NOL4L: variants seen among roughly 807,000 people sequenced by gnomAD.
NOL4L encodes the protein nucleolar protein 4-like.
In NOL4L, 7 loss-of-function variants were observed where a neutral mutation model predicts 64.5. That is an observed-to-expected ratio of 0.11 (90% CI 0.06 to 0.20). NOL4L has a LOEUF of 0.20. NOL4L is among the 10% of genes least tolerant of loss of function. NOL4L has a pLI of 1.00. For missense variants in NOL4L, 680 were observed against 967.1 expected, an observed-to-expected ratio of 0.70 and a Z score of 3.94; for synonymous variants, 413 against 401.0, an observed-to-expected ratio of 1.03 and a Z score of -0.36.
chr20:32,515,021 C>T (rs1299795257), intron 3 of NOL4L, among the ~76,000 whole-genome samples: 1 of 152,134 alleles, frequency 6.6e-6, no homozygotes, highest in Admixed American at 6.5e-5. Context: ...CTGATGGTCG[C>T]CCCTGTCCTG....
In NOL4L at chr20:32,453,695, G is replaced by A. The variant is rs1427049807; in HGVS notation, c.1186C>T (p.Leu396=). Residue 396 remains leucine, a synonymous_variant, in exon 7 of 11, where the codon CTG becomes TTG. Coordinates refer to ENST00000621426, the MANE Select transcript of NOL4L (RefSeq NM_001256798.2). The surrounding 1 kb of genome is among the most constrained non-coding windows in gnomAD (Gnocchi z 5.6). ...KTEVSGCPED[L]TVGRAPTADD... is the part of the protein sequence containing the mutation. ...GCCGTCGGGGCCCGGCCCACTGTCA[G>A]GTCCTCAGGGCAGCCGCTGACCTCG... 3 of 1,564,606 alleles carry A rather than the reference G, an allele frequency of 1.9e-6. No homozygotes were observed. Among genetic ancestry groups the A allele is most frequent in the Admixed American group, 1.9e-5 (1 of 51,954 alleles).
At chr20:32,467,862 G>C (rs988499256) in intron 5 of NOL4L, among the ~76,000 whole-genome samples, 2 of 152,222 alleles carry the variant, frequency 1.3e-5, no homozygotes, top group Non-Finnish European at 2.9e-5. Flanking sequence ...GGCACACAGG[G>C]GAGGGGGCCG....
intron 4 of NOL4L, among the ~76,000 whole-genome samples, chr20:32,480,468 C>A (rs991734294): frequency 4.6e-5 from 7 of 152,178 alleles, no homozygotes; most frequent in African/African-American, 1.7e-4. Flanking sequence ...GGGAAGAACA[C>A]CAGCCTCAGG....
chr20:32,523,311 G>A (rs988123465), intron 2 of NOL4L, among the ~76,000 whole-genome samples: 4 of 152,206 alleles, frequency 2.6e-5, no homozygotes, highest in Non-Finnish European at 2.9e-5. Flanking sequence ...CTGCAAGCCT[G>A]GCTTAGAGCT....
At chr20:32,493,888 C>T (rs550378730) in intron 4 of NOL4L, among the ~76,000 whole-genome samples, 1 of 152,282 alleles carries the variant, frequency 6.6e-6, no homozygotes, top group African/African-American at 2.4e-5. Context: ...TTCCCCACCC[C>T]TTCCCTTGAG....
At chr20:32,482,674 C>T (rs952530176) in intron 4 of NOL4L, among the ~76,000 whole-genome samples, 1 of 150,792 alleles carries the variant, frequency 6.6e-6, no homozygotes, top group Admixed American at 6.6e-5. Context: ...CCGCGGCTTC[C>T]GGTCAGACGG....
At chr20:32,461,249 G>GC (rs1205807919) in intron 5 of NOL4L, among the ~76,000 whole-genome samples, 2 of 151,838 alleles carry the variant, frequency 1.3e-5, no homozygotes, top group Admixed American at 1.3e-4. Flanking sequence ...TCACCCACCC[G>GC]CCCCAGCTGT....
intron 1 of NOL4L, among the ~76,000 whole-genome samples, chr20:32,582,994 T>C (rs1182728893): frequency 2.6e-5 from 4 of 151,752 alleles, no homozygotes; most frequent in Non-Finnish European, 4.4e-5. Context: ...AGAGTGCTGA[T>C]TTAGGCTGGG....
intron 4 of NOL4L, among the ~76,000 whole-genome samples, chr20:32,499,616 G>A (rs770492417): frequency 6.6e-5 from 10 of 151,682 alleles, no homozygotes; most frequent in Non-Finnish European, 1.5e-4. Context: ...GCAGGCATCT[G>A]TAGTCCCAGC....
At chr20:32,483,617 C>G in intron 4 of NOL4L, 1 of 30,928 alleles carries the variant, frequency 3.2e-5, no homozygotes, top group Non-Finnish European at 3.7e-5. Flanking sequence ...GCACCGGGCA[C>G]GGGGAGGCGG....
intron 1 of NOL4L, among the ~76,000 whole-genome samples, chr20:32,555,831 A>C (rs1300018037): frequency 6.6e-6 from 1 of 152,072 alleles, no homozygotes; most frequent in Non-Finnish European, 1.5e-5. Flanking sequence ...AGCTGTGAGA[A>C]TGTCAGTGGT....
intron 5 of NOL4L, among the ~76,000 whole-genome samples, chr20:32,470,013 G>A (rs1370469294): frequency 6.6e-6 from 1 of 152,258 alleles, no homozygotes; most frequent in Non-Finnish European, 1.5e-5. Flanking sequence ...TCATCTGAGA[G>A]GCGCACACAC....
chr20:32,555,179 C>G (rs534375133), intron 1 of NOL4L, among the ~76,000 whole-genome samples: 5 of 152,256 alleles, frequency 3.3e-5, no homozygotes, highest in African/African-American at 1.2e-4. Context: ...GTTACGTTAA[C>G]TTCTACTTGA....
At chr20:32,517,472 C>T (rs938421933) in intron 3 of NOL4L, among the ~76,000 whole-genome samples, 27 of 152,184 alleles carry the variant, frequency 1.8e-4, no homozygotes, top group African/African-American at 5.6e-4. Flanking sequence ...AGGCTTTCAG[C>T]GGGGGCAGGA....
intron 1 of NOL4L, among the ~76,000 whole-genome samples, chr20:32,547,666 C>A (rs2018749865): frequency 6.6e-6 from 1 of 152,130 alleles, no homozygotes; most frequent in African/African-American, 2.4e-5. Context: ...CAAGGAAGCA[C>A]CCAAGTTGCA....
intron 1 of NOL4L, among the ~76,000 whole-genome samples, chr20:32,568,492 G>A (rs1979570319): frequency 6.6e-6 from 1 of 151,598 alleles, no homozygotes; most frequent in African/African-American, 2.4e-5. Flanking sequence ...TCCAGTCTCT[G>A]CTCTGCACAC....
intron 2 of NOL4L, among the ~76,000 whole-genome samples, chr20:32,524,683 C>T (rs890408600): frequency 5.9e-5 from 9 of 152,310 alleles, no homozygotes; most frequent in African/African-American, 2.2e-4. Context: ...TGCCCCTCTG[C>T]AGCCATCAGC....
At chr20:32,555,686 G>A (rs1053257694) in intron 1 of NOL4L, among the ~76,000 whole-genome samples, 3 of 152,126 alleles carry the variant, frequency 2.0e-5, no homozygotes, top group African/African-American at 7.2e-5. Context: ...CCCAAGAAGA[G>A]AAGATTAGGA....
At chr20:32,498,659 A>G (rs2016790793) in intron 4 of NOL4L, among the ~76,000 whole-genome samples, 1 of 144,332 alleles carries the variant, frequency 6.9e-6, no homozygotes, top group African/African-American at 2.5e-5. Flanking sequence ...GCTACTCGGG[A>G]GGCTGAGGTG....
Sources: gnomAD v4.1 joint callset for allele counts (sites outside exome capture counted in the v4.1 genomes callset) on GRCh38, gnomAD v4.1.1 for gene constraint, Gnocchi (gnomAD v3.1) non-coding constraint, MANE v1.5 for transcripts, NCBI Gene and HGNC (gene_info 2026-07-23, HGNC 2026-07-21) for gene names.